SCHIP1: variants seen among roughly 807,000 people sequenced by gnomAD.
SCHIP1 encodes schwannomin interacting protein 1, also known as schwannomin-interacting protein 1.
Under a neutral mutation model 29.7 loss-of-function variants are expected in SCHIP1, and 8 were observed. That is an observed-to-expected ratio of 0.27 (90% CI 0.16 to 0.49). SCHIP1 has a LOEUF of 0.49. Ranked by LOEUF, SCHIP1 falls within the 20% of genes least tolerant of loss-of-function variation. The probability of loss-of-function intolerance (pLI) is 0.99; values close to 1 mark genes in which losing one functional copy is unlikely to be tolerated. For missense variants in SCHIP1, 193 were observed against 294.6 expected, an observed-to-expected ratio of 0.66 and a Z score of 2.52; for synonymous variants, 76 against 94.9, an observed-to-expected ratio of 0.80 and a Z score of 1.16.
chr3:159,892,143 G>A, exon 6 of SCHIP1: 2 of 1,614,182 alleles, frequency 1.2e-6, no homozygotes, highest in African/African-American at 2.7e-5. Context: ...GAGATGAGCT[G>A]CACACAGAGC....
the SCHIP1 span, among the ~76,000 whole-genome samples, chr3:159,682,831 A>G: frequency 6.6e-6 from 1 of 152,214 alleles, no homozygotes; most frequent in African/African-American, 2.4e-5. Context: ...GATGCCTTCA[A>G]TGTAATGTAG....
At chr3:159,771,730 C>A in the SCHIP1 span, among the ~76,000 whole-genome samples, 1 of 150,844 alleles carries the variant, frequency 6.6e-6, no homozygotes, top group Non-Finnish European at 1.5e-5. Context: ...AGGCAAACCA[C>A]ATGTAAACAA....
chr3:159,482,372 G>A, the SCHIP1 span, among the ~76,000 whole-genome samples: 1 of 152,188 alleles, frequency 6.6e-6, no homozygotes, highest in South Asian at 2.1e-4. Context: ...TAAACTGCAA[G>A]GAGTTCAATT....
At chr3:159,704,711 C>G in the SCHIP1 span, among the ~76,000 whole-genome samples, 3 of 152,090 alleles carry the variant, frequency 2.0e-5, no homozygotes, top group Non-Finnish European at 2.9e-5. Flanking sequence ...AAGAAAACCT[C>G]CATTCAAAAG....
chr3:159,761,622 G>A, the SCHIP1 span, among the ~76,000 whole-genome samples: 1 of 152,168 alleles, frequency 6.6e-6, no homozygotes, highest in South Asian at 2.1e-4. Flanking sequence ...AAACAGAAAG[G>A]AAACTGGGCT....
At chr3:159,347,449 C>T in the SCHIP1 span, among the ~76,000 whole-genome samples, 403 of 152,152 alleles carry the variant, frequency 2.6e-3, 3 homozygotes, top group Non-Finnish European at 4.2e-3. Context: ...TGGAAAGAAA[C>T]GATAATACCT....
At chr3:159,341,307 C>G in the SCHIP1 span, among the ~76,000 whole-genome samples, 1 of 152,154 alleles carries the variant, frequency 6.6e-6, no homozygotes, top group African/African-American at 2.4e-5. Context: ...GAGTGCCTCT[C>G]TCAACTCCCC....
the SCHIP1 span, among the ~76,000 whole-genome samples, chr3:159,472,428 T>C: frequency 6.6e-6 from 1 of 152,288 alleles, no homozygotes; most frequent in African/African-American, 2.4e-5. Flanking sequence ...GTTAAGTAAC[T>C]TGCCCAAGGT....
chr3:159,586,370 G>A, the SCHIP1 span, among the ~76,000 whole-genome samples: 1 of 152,110 alleles, frequency 6.6e-6, no homozygotes, highest in African/African-American at 2.4e-5. Context: ...ATTTTCATAT[G>A]CAGTCAGGAC....
chr3:159,725,667 A>G, the SCHIP1 span, among the ~76,000 whole-genome samples: 1 of 152,220 alleles, frequency 6.6e-6, no homozygotes, highest in Non-Finnish European at 1.5e-5. Flanking sequence ...TTTCAAGAAG[A>G]AAAAGGTGTG....
the SCHIP1 span, among the ~76,000 whole-genome samples, chr3:159,381,785 CG>C: frequency 6.6e-6 from 1 of 151,850 alleles, no homozygotes; most frequent in African/African-American, 2.4e-5. Context: ...TTAGTAGAGA[CG>C]GGTTTCACCA....
the SCHIP1 span, among the ~76,000 whole-genome samples, chr3:159,478,246 T>A: frequency 1.3e-5 from 2 of 152,100 alleles, no homozygotes; most frequent in African/African-American, 4.8e-5. Context: ...CTACTTTGAG[T>A]TGATTTTTAT....
chr3:159,736,820 C>T, the SCHIP1 span, among the ~76,000 whole-genome samples: 3 of 151,922 alleles, frequency 2.0e-5, no homozygotes, highest in Admixed American at 6.6e-5. Flanking sequence ...CTGCAAGCTC[C>T]GCCTCCCGGG....
chr3:159,432,339 T>TGTGTGTGAGAGA, the SCHIP1 span, among the ~76,000 whole-genome samples: 2 of 69,310 alleles, frequency 2.9e-5, no homozygotes, highest in African/African-American at 9.5e-5. Flanking sequence ...TGTGTGTGTG[T>TGTGTGTGAGAGA]GAGAGAGAGA....
the SCHIP1 span, among the ~76,000 whole-genome samples, chr3:159,639,842 C>T: frequency 1.8e-4 from 28 of 152,256 alleles, no homozygotes; most frequent in Admixed American, 7.2e-4. Flanking sequence ...ATTGCTTAAC[C>T]TCCTAGTCTC....
the SCHIP1 span, among the ~76,000 whole-genome samples, chr3:159,333,850 C>T: frequency 5.9e-5 from 9 of 152,026 alleles, no homozygotes; most frequent in African/African-American, 2.2e-4. Flanking sequence ...TTCTCAAATA[C>T]ACATTGGAAT....
chr3:159,888,083 A>C (rs1172554342), intron 4 of SCHIP1, 178 bp downstream of exon 5: 2 of 858,968 alleles, frequency 2.3e-6, no homozygotes. Context: ...AGGACTGAAA[A>C]ATACAGAAGC....
At chr3:159,561,343 C>G in the SCHIP1 span, among the ~76,000 whole-genome samples, 1 of 152,186 alleles carries the variant, frequency 6.6e-6, no homozygotes, top group African/African-American at 2.4e-5. Context: ...GGGTTTTCCT[C>G]CACTGAATCA....
chr3:159,508,651 G>A, the SCHIP1 span, among the ~76,000 whole-genome samples: 2 of 152,184 alleles, frequency 1.3e-5, no homozygotes, highest in Non-Finnish European at 2.9e-5. Flanking sequence ...ATGTTCCAGA[G>A]ATTCTGGTAT....
Sources: allele counts gnomAD v4.1 joint callset (sites outside exome capture counted in the v4.1 genomes callset), GRCh38; gene constraint gnomAD v4.1.1; transcripts MANE v1.5; gene names NCBI Gene and HGNC (gene_info 2026-07-23, HGNC 2026-07-21).